SIL1: variants seen among roughly 807,000 people sequenced by gnomAD.
The protein encoded by SIL1 is SIL1 nucleotide exchange factor, also known as nucleotide exchange factor SIL1.
SIL1 carries 40 observed loss-of-function variants against 49.1 expected under a neutral mutation model. The observed-to-expected ratio is 0.81, with a 90% confidence interval of 0.63 to 1.06. The LOEUF (loss-of-function observed/expected upper bound fraction) is 1.06. SIL1 is among the 50% of genes least tolerant of loss of function. The pLI is 0.00. For synonymous variants in SIL1, 253 were observed against 250.8 expected, an observed-to-expected ratio of 1.01 and a Z score of -0.08; for missense variants, 500 against 572.6, an observed-to-expected ratio of 0.87 and a Z score of 1.29.
intron 7 of SIL1, among the ~76,000 whole-genome samples, chr5:139,004,713 T>C (rs185622795): frequency 7.0e-4 from 107 of 152,224 alleles, no homozygotes; most frequent in African/African-American, 2.5e-3. Context: ...TAACTGTCCA[T>C]TAATGAATGA....
At chr5:139,082,168 T>C (rs112191700) in intron 3 of SIL1, among the ~76,000 whole-genome samples, 1 of 152,198 alleles carries the variant, frequency 6.6e-6, no homozygotes, top group African/African-American at 2.4e-5. Context: ...ACTAGTACAA[T>C]TCGACAAATG....
chr5:138,981,131 T>C (rs1441660555), intron 7 of SIL1, among the ~76,000 whole-genome samples: 3 of 151,092 alleles, frequency 2.0e-5, no homozygotes, highest in Non-Finnish European at 4.4e-5. Flanking sequence ...GAGAATCGCT[T>C]GAACCCAGGT....
At chr5:139,071,188 TAAG>T (rs140468958) in intron 3 of SIL1, among the ~76,000 whole-genome samples, 50,770 of 108,728 alleles carry the variant, frequency 0.47, 10,363 homozygotes, top group Middle Eastern at 0.57. Context: ...AGACAATTTA[TAAG>T]AAGAAGAAGA....
At position 139,041,427 on chromosome 5, in the gene SIL1, A is replaced by G. The variant is rs184533177; in HGVS notation, c.453+1193T>C. ...ATCAGAACAACCTATGGCTTCTTCC[A>G]GTAATACACAAGCTGTCAAGAGGCT... On this transcript the variant is annotated intron_variant, in intron 5 of 9. Transcript: ENST00000394817. Among the ~76,000 whole-genome samples the G allele has an allele frequency of 8.7e-4, 132 of 152,348 alleles. 1 individual carries two copies. The highest frequency in any genetic ancestry group is 3.0e-3 in the African/African-American group (126 of 41,582).
chr5:139,081,900 C>A (rs1413679020), intron 3 of SIL1, among the ~76,000 whole-genome samples: 10 of 150,398 alleles, frequency 6.6e-5, no homozygotes, highest in Middle Eastern at 3.4e-3. Flanking sequence ...ACAAAAAAAA[C>A]AAAAACACAC....
intron 7 of SIL1, among the ~76,000 whole-genome samples, chr5:138,992,466 A>G (rs1767779051): frequency 6.6e-6 from 1 of 152,214 alleles, no homozygotes; most frequent in Non-Finnish European, 1.5e-5. Flanking sequence ...TAAATGAGAC[A>G]GTATATGTAA....
chr5:138,983,458 A>C lies in SIL1; in HGVS notation c.768-31574T>G, dbSNP rs562133977. ...GGGCGGAGGAGCTTGCAGTGAGCCG[A>C]GATCGCGCCACTGCACTCCAGCCTG... On this transcript the variant is annotated intron_variant, in intron 7 of 9. Transcript: ENST00000394817. Among the ~76,000 whole-genome samples, 281 of 151,570 alleles carry C rather than the reference A, an allele frequency of 1.9e-3. 1 individual carries two copies. Among genetic ancestry groups the C allele is most frequent in the African/African-American group, 6.5e-3 (267 of 41,340 alleles).
chr5:139,035,093 C>A, intron 5 of SIL1: 1 of 241,846 alleles, frequency 4.1e-6, no homozygotes, highest in Admixed American at 5.2e-5. Flanking sequence ...ATGTCCTTTG[C>A]CCACTTTTCT....
intron 1 of SIL1, among the ~76,000 whole-genome samples, chr5:139,185,584 T>C (rs1752064491): frequency 6.6e-6 from 1 of 152,220 alleles, no homozygotes; most frequent in Non-Finnish European, 1.5e-5. Flanking sequence ...TTACTGTATA[T>C]GCATATGTTT....
intron 3 of SIL1, among the ~76,000 whole-genome samples, chr5:139,054,083 C>A (rs1456714880): frequency 1.3e-5 from 2 of 152,090 alleles, no homozygotes; most frequent in African/African-American, 4.8e-5. Flanking sequence ...GAGTTAGAGA[C>A]CAGCCTGAGC....
intron 7 of SIL1, among the ~76,000 whole-genome samples, chr5:138,977,197 C>T (rs1767412041): frequency 6.6e-6 from 1 of 152,214 alleles, no homozygotes; most frequent in African/African-American, 2.4e-5. Flanking sequence ...TGGACAGCCA[C>T]AATCTTATGA....
At chr5:139,086,050 C>T (rs1163519577) in intron 3 of SIL1, among the ~76,000 whole-genome samples, 1 of 151,532 alleles carries the variant, frequency 6.6e-6, no homozygotes, top group African/African-American at 2.4e-5. Flanking sequence ...ATGGCTTGAG[C>T]CCAGGAGTTT....
intron 5 of SIL1, 50 bp downstream of exon 5, chr5:139,042,570 C>G: frequency 6.7e-7 from 1 of 1,486,464 alleles, no homozygotes; most frequent in Non-Finnish European, 9.4e-7. Context: ...TCTGCAAAGA[C>G]AACAAGGCCA....
chr5:139,177,630 G>A (rs1443588626), intron 1 of SIL1, among the ~76,000 whole-genome samples: 2 of 152,130 alleles, frequency 1.3e-5, no homozygotes, highest in Non-Finnish European at 2.9e-5. Flanking sequence ...ATAAGTGAAA[G>A]GAGTAGTGGG....
intron 2 of SIL1, among the ~76,000 whole-genome samples, chr5:139,126,421 A>G (rs1281934433): frequency 1.3e-5 from 2 of 152,352 alleles, no homozygotes; most frequent in East Asian, 1.9e-4. Context: ...TTAATTGTGC[A>G]TCTGCTAAAG....
At chr5:139,137,100 GAA>G (rs1458838566) in intron 1 of SIL1, among the ~76,000 whole-genome samples, 1 of 152,252 alleles carries the variant, frequency 6.6e-6, no homozygotes, top group Non-Finnish European at 1.5e-5. Context: ...CGGAGACAGA[GAA>G]ATACCCTAGT....
In SIL1 at chr5:139,166,146, C is replaced by T. The variant is rs552981743; in HGVS notation, c.-11+32123G>A. Reference sequence around the variant, plus strand: ...AAATATTTTACAGAGTCTAACTCTTCGTCAACAGCACAGAAATCTGTCTCC... The same window carrying T: ...AAATATTTTACAGAGTCTAACTCTTTGTCAACAGCACAGAAATCTGTCTCC... On this transcript the variant is annotated intron_variant, in intron 1 of 9. Coordinates refer to ENST00000394817, the MANE Select transcript of SIL1 (RefSeq NM_022464.5). Among the ~76,000 whole-genome samples the T allele has an allele frequency of 5.3e-5, 8 of 152,224 alleles. No homozygotes were observed. In the East Asian group the frequency reaches 1.5e-3, roughly 29 times the overall value.
chr5:138,971,269 G>A lies in SIL1; in HGVS notation c.768-19385C>T, dbSNP rs1442656699. On this transcript the variant is annotated intron_variant, in intron 7 of 9. Coordinates refer to ENST00000394817, the MANE Select transcript of SIL1 (RefSeq NM_022464.5). ...AGATGATAATTGACTATCTGGGGCT[G>A]GAATGGGAGGTGGCCAAGTCTATTA... Among the ~76,000 whole-genome samples the A allele has an allele frequency of 3.3e-5, 5 of 152,080 alleles. No homozygotes were observed. In the East Asian group the frequency reaches 9.6e-4, roughly 29 times the overall value.
chr5:139,120,403 T>TA (rs1750599255), intron 3 of SIL1, among the ~76,000 whole-genome samples: 1 of 152,170 alleles, frequency 6.6e-6, no homozygotes, highest in Non-Finnish European at 1.5e-5. Context: ...ATAAGGATAA[T>TA]AATAGTTCCT....
Sources: gnomAD v4.1 joint callset for allele counts (sites outside exome capture counted in the v4.1 genomes callset) on GRCh38, gnomAD v4.1.1 for gene constraint, MANE v1.5 for transcripts, NCBI Gene and HGNC (gene_info 2026-07-23, HGNC 2026-07-21) for gene names.